SLC11A2: variants seen among roughly 807,000 people sequenced by gnomAD.
SLC11A2 encodes the protein natural resistance-associated macrophage protein 2.
Under a neutral mutation model 68.0 loss-of-function variants are expected in SLC11A2, and 38 were observed. The observed-to-expected ratio is 0.56, with a 90% CI of 0.43 to 0.73. The LOEUF is 0.73. Ranked by LOEUF, SLC11A2 falls within the 30% of genes least tolerant of loss-of-function variation. The pLI is 0.00. For missense variants in SLC11A2, 517 were observed against 690.5 expected (o/e 0.75, Z 2.82); for synonymous variants, 242 against 250.6 (o/e 0.97, Z 0.32).
chr12:50,965,840 C>T, the SLC11A2 span, among the ~76,000 whole-genome samples: 1 of 152,200 alleles, frequency 6.6e-6, no homozygotes, highest in Non-Finnish European at 1.5e-5. Context: ...GTCTGTCGAA[C>T]ATGGTCTTTC....
At chr12:51,025,874 C>T in intron 1 of SLC11A2, 1 of 988,228 alleles carries the variant, frequency 1.0e-6, no homozygotes, top group Non-Finnish European at 1.2e-6. Context: ...GGCGGGAGGC[C>T]CCGGAGAGCA....
downstream of SLC11A2, among the ~76,000 whole-genome samples, chr12:50,977,201 CA>C (rs1355793278): frequency 3.0e-4 from 46 of 152,250 alleles, 1 homozygote; most frequent in East Asian, 8.9e-3. Context: ...AATCCTAAGC[CA>C]AAAGAACAAA....
intron 8 of SLC11A2, among the ~76,000 whole-genome samples, chr12:50,998,067 T>C (rs998310412): frequency 4.1e-5 from 6 of 146,770 alleles, no homozygotes; most frequent in African/African-American, 1.3e-4. Context: ...CTCAAAAATA[T>C]ACAACCAGGG....
intron 6 of SLC11A2, among the ~76,000 whole-genome samples, chr12:51,000,046 T>A (rs1174778921): frequency 1.3e-5 from 2 of 151,892 alleles, no homozygotes; most frequent in African/African-American, 2.4e-5. Context: ...AAAGATAGTA[T>A]CTAGCGGGAT....
chr12:51,015,390 G>A (rs940488914), intron 1 of SLC11A2, among the ~76,000 whole-genome samples: 6 of 150,718 alleles, frequency 4.0e-5, no homozygotes, highest in African/African-American at 1.2e-4. Flanking sequence ...CGGGAGAATC[G>A]CTTAAACCTG....
At chr12:50,964,422 T>C in the SLC11A2 span, among the ~76,000 whole-genome samples, 1 of 152,224 alleles carries the variant, frequency 6.6e-6, no homozygotes, top group African/African-American at 2.4e-5. Context: ...TTTTCCATTG[T>C]CTTTAATCAC....
chr12:50,968,113 GGAGGAGGAGGAGGAGAAT>G, the SLC11A2 span, among the ~76,000 whole-genome samples: 4 of 151,920 alleles, frequency 2.6e-5, no homozygotes, highest in South Asian at 2.1e-4. Flanking sequence ...AGGAGGAGGA[GGAGGAGGAGGAGGAGAAT>G]GAGGAGGAGG....
chr12:50,960,455 C>A, the SLC11A2 span, among the ~76,000 whole-genome samples: 1 of 152,170 alleles, frequency 6.6e-6, no homozygotes, highest in African/African-American at 2.4e-5. Context: ...CAAGTTACTA[C>A]ACTATATGGT....
At chr12:50,982,356 T>A (rs1456903920), downstream of SLC11A2, among the ~76,000 whole-genome samples, 1 of 152,182 alleles carries the variant, frequency 6.6e-6, no homozygotes, top group African/African-American at 2.4e-5. Context: ...CTGGGTGCGG[T>A]GGCTCACGCC....
chr12:50,969,926 C>T, the SLC11A2 span, among the ~76,000 whole-genome samples: 3 of 152,212 alleles, frequency 2.0e-5, no homozygotes, highest in African/African-American at 7.2e-5. Context: ...AGCAGCTCCT[C>T]TCTTCCTTAC....
the SLC11A2 span, chr12:50,970,308 A>C: frequency 2.9e-5 from 19 of 656,296 alleles, no homozygotes; most frequent in African/African-American, 3.0e-4. Context: ...CCAAACCAAA[A>C]ACTAGTAAGA....
upstream of SLC11A2, chr12:51,026,388 TA>T: frequency 7.9e-7 from 1 of 1,272,688 alleles, no homozygotes; most frequent in Non-Finnish European, 1.0e-6. Context: ...CCACGCTGGC[TA>T]ACGCCCTCCC....
chr12:50,957,861 G>T, the SLC11A2 span, among the ~76,000 whole-genome samples: 1 of 151,900 alleles, frequency 6.6e-6, no homozygotes, highest in East Asian at 1.9e-4. Context: ...CTCCAGCCTT[G>T]GGCAACAGAG....
chr12:51,024,771 T>C (rs557860947), intron 1 of SLC11A2: 1 of 152,348 alleles, frequency 6.6e-6, no homozygotes, highest in African/African-American at 2.4e-5. Context: ...AAGGGACCAC[T>C]GCTGATTTCC....
In SLC11A2 at chr12:50,991,587, G is replaced by T; in HGVS notation, c.1421+12C>A. On this transcript the variant is annotated intron_variant, in intron 14 of 15. Coordinates refer to ENST00000262052, the MANE Select transcript of SLC11A2 (RefSeq NM_000617.3). Reference sequence around the variant, plus strand: ...CAGCATCCCCTTTGGGAACGAAGAGGAGTACACTCACAGTCCATTGGCAAA... The same window carrying T: ...CAGCATCCCCTTTGGGAACGAAGAGTAGTACACTCACAGTCCATTGGCAAA... The T allele has an allele frequency of 6.2e-7, 1 of 1,610,738 alleles. No individual in the cohort carries two copies. Among genetic ancestry groups the T allele is most frequent in the Non-Finnish European group, 8.5e-7 (1 of 1,177,276 alleles).
chr12:50,999,444 G>A, intron 6 of SLC11A2, 29 bp from the exon 7 acceptor site: 1 of 1,552,224 alleles, frequency 6.4e-7, no homozygotes, highest in East Asian at 2.2e-5. Context: ...ATGGAAGTCA[G>A]AGAGACGGAA....
At chr12:50,971,556 A>C in the SLC11A2 span, among the ~76,000 whole-genome samples, 1 of 152,182 alleles carries the variant, frequency 6.6e-6, no homozygotes, top group African/African-American at 2.4e-5. Flanking sequence ...CAAGAAACCA[A>C]AGCAGATGTT....
At chr12:50,968,872 T>C in the SLC11A2 span, among the ~76,000 whole-genome samples, 1 of 151,014 alleles carries the variant, frequency 6.6e-6, no homozygotes, top group African/African-American at 2.4e-5. Context: ...TAGAAATGGG[T>C]CTCGCTATTT....
At chr12:51,009,400 G>C (rs1943021060) in intron 2 of SLC11A2, 1 of 804,116 alleles carries the variant, frequency 1.2e-6, no homozygotes, top group Non-Finnish European at 1.6e-6. Context: ...TGGGAGAAAA[G>C]GGATACCCTG....
Sources: gnomAD v4.1 joint callset for allele counts (sites outside exome capture counted in the v4.1 genomes callset) on GRCh38, gnomAD v4.1.1 for gene constraint, MANE v1.5 for transcripts, NCBI Gene and HGNC (gene_info 2026-07-23, HGNC 2026-07-21) for gene names.